The following COA7 variants were observed in gnomAD, a reference collection of about 807,000 sequenced individuals.
The protein encoded by COA7 is Sel1 repeat containing 1.
COA7 carries 12 observed loss-of-function variants against 21.0 expected under a neutral mutation model. The ratio of observed to expected loss-of-function variants is 0.57; its 90% CI spans 0.37 to 0.92. The LOEUF (loss-of-function observed/expected upper bound fraction) is 0.92, where lower values mean the gene tolerates loss of function less well. Among genes scored for constraint, COA7 ranks in the 40% least tolerant of loss-of-function variants. The probability of loss-of-function intolerance (pLI) is 0.01; values close to 1 mark genes in which losing one functional copy is unlikely to be tolerated. For synonymous variants in COA7, 95 were observed against 107.4 expected, an observed-to-expected ratio of 0.88 and a Z score of 0.72; for missense variants, 240 against 286.1, an observed-to-expected ratio of 0.84 and a Z score of 1.16.
At position 52,685,493 on chromosome 1, in the gene COA7, T is replaced by G. The variant is rs1416416082; in HGVS notation, c.*2227A>C. ...TTGAATTTTAAGAGTTCATTGTGGT[T>G]TTTGATTTACATTTCCCTAATTAGT... On this transcript the variant is annotated 3_prime_UTR_variant, in exon 3 of 3. Transcript: ENST00000371538. 2.6e-5 allele frequency: 4 copies of G among 152,176 alleles called. No individual in the cohort carries two copies. Among genetic ancestry groups the G allele is most frequent in the Non-Finnish European group, 5.9e-5 (4 of 68,036 alleles). The allele number at this position is 152,176 out of a possible 1,614,324, so 9.4% of individuals were successfully genotyped here. A position where few individuals can be genotyped will look rare whatever the true frequency, so the allele number is the denominator to read the frequency against.
rs59859408 is a variant in COA7, at chr1:52,696,947, G to A, written c.106+1274C>T. ...CAACATGGTGAAACCCTGTCTCTAC[G>A]AAAATACAAAAATTAGCCAGGCCTG... On this transcript the variant is annotated intron_variant, in intron 1 of 2. Transcript: ENST00000371538. Among the ~76,000 whole-genome samples, 888 of 151,690 alleles carry A rather than the reference G, an allele frequency of 5.9e-3. 55 individuals are homozygous for A. The East Asian group carries it at 0.14, about 24-fold the overall frequency.
At chr1:52,691,154 A>C (rs1394330190) in intron 2 of COA7, among the ~76,000 whole-genome samples, 1 of 151,886 alleles carries the variant, frequency 6.6e-6, no homozygotes, top group African/African-American at 2.4e-5. Context: ...GCAGTGGCTC[A>C]CACCTTACCC....
At chr1:52,697,987 T>G in intron 1 of COA7, 1 of 530,230 alleles carries the variant, frequency 1.9e-6, no homozygotes, top group Admixed American at 3.5e-5. Context: ...CACCGATGGA[T>G]CCCCAGTCCC....
chr1:52,692,861 T>C lies in COA7; in HGVS notation c.113A>G (p.Tyr38Cys), dbSNP rs753445023. ...CYHEKDPDGCYRLVDYLEGIR... is the reference protein window; with the variant it reads ...CYHEKDPDGCCRLVDYLEGIR... ...CCCTTCCAAATAGTCCACCAGCCGA[T>C]AGCAACCTGCGAGAAGAGGGCAAGG... is the stretch of plus-strand genomic sequence containing the variant. Residue 38 changes from tyrosine to cysteine, a missense_variant, in exon 2 of 3, where the codon TAT becomes TGT. Physicochemically the swap from Tyr to Cys is radical, Grantham distance 194 (BLOSUM62 -2). This residue lies in a region of COA7 where 71 missense variants were observed against 54.7 expected (regional missense o/e 1.30). Coordinates refer to ENST00000371538, the MANE Select transcript of COA7 (RefSeq NM_023077.3). 5.0e-5 allele frequency: 80 copies of C among 1,614,036 alleles called. 1 individual carries two copies. Among genetic ancestry groups the C allele is most frequent in the East Asian group, 4.5e-5 (2 of 44,894 alleles).
Position 52,684,978 on chromosome 1 carries a change from A to G in COA7, c.*2742T>C, listed in dbSNP as rs951293414. On this transcript the variant is annotated 3_prime_UTR_variant, in exon 3 of 3. Coordinates refer to ENST00000371538, the MANE Select transcript of COA7 (RefSeq NM_023077.3). ...TAATTTGTCATAGCTTGATTTAAGC[A>G]CTGAATAATGACTACATGCACCACA... 1 of 152,352 alleles carries G rather than the reference A, an allele frequency of 6.6e-6. No individual in the cohort carries two copies. The highest frequency in any genetic ancestry group is 2.4e-5 in the African/African-American group (1 of 41,596). 9.4% of individuals were successfully genotyped at this position (152,352 alleles called of 1,614,324 possible). A position where few individuals can be genotyped will look rare whatever the true frequency, so the allele number is the denominator to read the frequency against.
intron 1 of COA7, among the ~76,000 whole-genome samples, chr1:52,695,999 C>G (rs2149905982): frequency 6.6e-6 from 1 of 152,316 alleles, no homozygotes; most frequent in African/African-American, 2.4e-5. Context: ...ATCCTGACTT[C>G]AACCTTCCAA....
intron 1 of COA7, 131 bp downstream of exon 1, chr1:52,698,090 C>A: frequency 1.4e-6 from 1 of 692,152 alleles, no homozygotes; most frequent in South Asian, 1.7e-5. Flanking sequence ...CACACGCGGT[C>A]ACCGCGATCC....
At position 52,698,301 on chromosome 1, in the gene COA7, T is replaced by C. The variant is rs1366822974; in HGVS notation, c.26A>G (p.Asp9Gly). Residue 9 changes from aspartate (D) to glycine (G), a missense_variant, in exon 1 of 3, where the codon GAT becomes GGT. Transcript: ENST00000371538. MAGMVDFQ[D>G]EEQVKSFLEN... The stretch of plus-strand genomic sequence containing the variant: ...CAAAAAGGACTTGACCTGCTCCTCA[T>C]CCTGGAAGTCCACCATGCCGGCCAT... 6.2e-7 allele frequency: 1 copy of C among 1,612,084 alleles called. No individual in the cohort carries two copies. Among genetic ancestry groups the C allele is most frequent in the Admixed American group, 1.7e-5 (1 of 60,004 alleles).
rs753453358 is a variant in COA7, at chr1:52,696,236, C to T, written c.106+1985G>A. Among the ~76,000 whole-genome samples, 11 of 151,954 alleles carry T rather than the reference C, an allele frequency of 7.2e-5. No individual in the cohort carries two copies. The South Asian group carries it at 1.2e-3, about 17-fold the overall frequency. ...TTGCCCAGGCTGGAGTGTGATGGCG[C>T]GATCTCAGCTCACTGCAACCTCCGC... On this transcript the variant is annotated intron_variant, in intron 1 of 2. Transcript: ENST00000371538.
rs1349966928 is a variant in COA7, at chr1:52,687,748, T to C, written c.668A>G (p.Lys223Arg). Residue 223 changes from lysine to arginine, a missense_variant, in exon 3 of 3, where the codon AAA becomes AGA. Physicochemically the swap from Lys to Arg is conservative, Grantham distance 26 (BLOSUM62 2). This residue lies in a region of COA7 where 163 missense variants were observed against 214.1 expected (regional missense o/e 0.76). Transcript: ENST00000371538. ...RAQQLHKEQQ[K>R]GVQPLTFG ...CCCAAATGTTAAGGGTTGGACACCT[T>C]TCTGCTGTTCTTTGTGTAGCTGCTG... 1 of 1,614,260 alleles carries C rather than the reference T, an allele frequency of 6.2e-7. No homozygotes were observed. Among genetic ancestry groups the C allele is most frequent in the Non-Finnish European group, 8.5e-7 (1 of 1,180,042 alleles).
At chr1:52,691,089 T>TGGGACCCTGTCTC (rs1023939663) in intron 2 of COA7, among the ~76,000 whole-genome samples, 6 of 150,538 alleles carry the variant, frequency 4.0e-5, no homozygotes, top group Non-Finnish European at 1.5e-5. Context: ...GGCGACAGAG[T>TGGGACCCTGTCTC]GGGACCCTGT....
intron 2 of COA7, 37 bp from the exon 3 acceptor site, chr1:52,688,205 C>T: frequency 1.3e-6 from 2 of 1,557,158 alleles, no homozygotes; most frequent in Non-Finnish European, 1.7e-6. Context: ...TAAACCCAAG[C>T]CAGGGCACAA....
intron 1 of COA7, among the ~76,000 whole-genome samples, chr1:52,693,568 T>C (rs1224970379): frequency 6.9e-6 from 1 of 144,588 alleles, no homozygotes; most frequent in Non-Finnish European, 1.5e-5. Context: ...ATCACGCCAC[T>C]GCACTCCAGC....
intron 1 of COA7, among the ~76,000 whole-genome samples, chr1:52,695,675 C>T (rs1038640154): frequency 3.3e-5 from 5 of 152,102 alleles, no homozygotes; most frequent in East Asian, 3.9e-4. Context: ...AGTTTATCTG[C>T]GAGTAGAAAT....
rs944945901 is a variant in COA7, at chr1:52,684,999, C to T, written c.*2721G>A. On this transcript the variant is annotated 3_prime_UTR_variant, in exon 3 of 3. Coordinates refer to ENST00000371538, the MANE Select transcript of COA7 (RefSeq NM_023077.3). ...AAGCACTGAATAATGACTACATGCA[C>T]CACAATTTATTTACCCATTTACCTA... 1.3e-5 allele frequency: 2 copies of T among 152,182 alleles called. No individual in the cohort carries two copies. The highest frequency in any genetic ancestry group is 2.9e-5 in the Non-Finnish European group (2 of 68,042). 9.4% of individuals were successfully genotyped at this position (152,182 alleles called of 1,614,324 possible). A position where few individuals can be genotyped will look rare whatever the true frequency, so the allele number is the denominator to read the frequency against.
At chr1:52,691,123 A>C (rs892117824) in intron 2 of COA7, among the ~76,000 whole-genome samples, 2 of 152,022 alleles carry the variant, frequency 1.3e-5, no homozygotes, top group Admixed American at 6.6e-5. Context: ...CTCAAAAAAA[A>C]AAAGACATCC....
rs1179172521 is a variant in COA7, at chr1:52,698,217, T to C, written c.106+4A>G. ...CGTCGCCGGGCTGCGCTGGAGCCGC[T>C]CACCGTCCGGGTCCTTCTCGTGGTA... On this transcript the variant is annotated splice_donor_region_variant and intron_variant, in intron 1 of 2. Transcript: ENST00000371538. The C allele has an allele frequency of 6.2e-7, 1 of 1,606,070 alleles. No homozygotes were observed. Among genetic ancestry groups the C allele is most frequent in the South Asian group, 1.1e-5 (1 of 90,914 alleles).
chr1:52,690,934 C>T (rs1483296591), intron 2 of COA7, among the ~76,000 whole-genome samples: 1 of 151,940 alleles, frequency 6.6e-6, no homozygotes, highest in African/African-American at 2.4e-5. Flanking sequence ...TGGCGAAACC[C>T]CATCTCTACT....
chr1:52,692,988 C>A, intron 1 of COA7, 121 bp from the exon 2 acceptor site: 1 of 1,012,104 alleles, frequency 9.9e-7, no homozygotes, highest in East Asian at 2.4e-5. Context: ...CAGCCCCTGT[C>A]CTCCTGATGT....
Sources: gnomAD v4.1 joint callset for allele counts (sites outside exome capture counted in the v4.1 genomes callset) on GRCh38, gnomAD v4.1.1 for gene constraint, gnomAD v4.1.1 regional missense constraint, MANE v1.5 for transcripts, NCBI Gene and HGNC (gene_info 2026-07-23, HGNC 2026-07-21) for gene names.